Variants in TPCN1 observed in about 807,000 individuals in gnomAD.
TPCN1 encodes the protein two pore segment channel 1, also known as two pore channel protein 1.
A neutral mutation model predicts 108.8 loss-of-function variants in TPCN1; 52 were observed. The ratio of observed to expected loss-of-function variants is 0.48; its 90% CI spans 0.38 to 0.60. The LOEUF is 0.60. TPCN1 is among the 20% of genes least tolerant of loss of function. The pLI is 0.00. For missense variants in TPCN1, 806 were observed against 1,072.8 expected (o/e 0.75, Z 3.47); for synonymous variants, 446 against 433.7 (o/e 1.03, Z -0.35).
intron 4 of TPCN1, among the ~76,000 whole-genome samples, 181 bp from the exon 5 acceptor site, chr12:113,267,662 G>T (rs1955319029): frequency 6.6e-6 from 1 of 152,142 alleles, no homozygotes; most frequent in Non-Finnish European, 1.5e-5. Flanking sequence ...ATGTTTAGTT[G>T]TTCTGGGGAA....
rs1399860337 is a variant in TPCN1 at position 113,268,214 on chromosome 12, T to C, written c.528+258T>C. Among the ~76,000 whole-genome samples, 2 of 152,200 alleles carry C rather than the reference T, an allele frequency of 1.3e-5. No individual in the cohort carries two copies. The highest frequency in any genetic ancestry group is 2.9e-5 in the Non-Finnish European group (2 of 68,024). On this transcript the variant is annotated intron_variant, in intron 5 of 27. Coordinates refer to ENST00000335509, the MANE Select transcript of TPCN1 (RefSeq NM_017901.6). The surrounding 1 kb of genome is among the most constrained non-coding windows in gnomAD (Gnocchi z 7.3). ...GTCACCTTCGAGAGAGATGTGCTGC[T>C]CTCCGTGGTTTACATTCATCTGGAG...
chr12:113,293,718 C>A (rs1468278065), intron 27 of TPCN1, among the ~76,000 whole-genome samples: 1 of 152,188 alleles, frequency 6.6e-6, no homozygotes, highest in African/African-American at 2.4e-5. Context: ...CAAGGATGTC[C>A]CTGTCCAAAG....
At chr12:113,271,223 G>C (rs952116258) in intron 7 of TPCN1, among the ~76,000 whole-genome samples, 1 of 152,178 alleles carries the variant, frequency 6.6e-6, no homozygotes, top group African/African-American at 2.4e-5. Flanking sequence ...GTTGCAGTGA[G>C]CTGTGACAGC....
intron 2 of TPCN1, among the ~76,000 whole-genome samples, chr12:113,243,941 C>T (rs904514555): frequency 7.9e-5 from 12 of 152,138 alleles, no homozygotes; most frequent in Admixed American, 4.6e-4. Context: ...CCTCTCCCTG[C>T]CTACATTCTC....
rs1593160674 is a variant in TPCN1 at position 113,269,136 on chromosome 12, G to T, written c.659+264G>T. Among the ~76,000 whole-genome samples, 1 of 152,140 alleles carries T rather than the reference G, an allele frequency of 6.6e-6. No homozygotes were observed. Among genetic ancestry groups the T allele is most frequent in the East Asian group, 1.9e-4 (1 of 5,188 alleles). On this transcript the variant is annotated intron_variant, in intron 6 of 27. Coordinates refer to ENST00000335509, the MANE Select transcript of TPCN1 (RefSeq NM_017901.6). This position sits in a 1 kb window ranked among gnomAD's most constrained non-coding sequence, Gnocchi z 5.0. ...TTCCAGAGCTGCTTCCTCGCTCTAG[G>T]CATGTTATCTACCCAAATGCAGGCA...
rs1215145111 is a variant in TPCN1 at position 113,297,595 on chromosome 12, T to TCCCCTTCC, written c.*1529_*1536dup. Reference sequence around the variant, plus strand: ...TCCCATAGCCAGCACGGCATGGTTCTCCCCTTCCCCCCTTCCCAGGTCAGG... The same window carrying TCCCCTTCC: ...TCCCATAGCCAGCACGGCATGGTTCTCCCCTTCCCCCCTTCCCCCCTTCCCAGGTCAGG... On this transcript the variant is annotated 3_prime_UTR_variant, in exon 28 of 28. Coordinates refer to ENST00000335509, the MANE Select transcript of TPCN1 (RefSeq NM_017901.6). This position sits in a 1 kb window ranked among gnomAD's most constrained non-coding sequence, Gnocchi z 4.4. The TCCCCTTCC allele has an allele frequency of 6.6e-5, 10 of 152,534 alleles. No homozygotes were observed. Among genetic ancestry groups the TCCCCTTCC allele is most frequent in the Admixed American group, 6.6e-4 (10 of 15,266 alleles). 9.4% of individuals were successfully genotyped at this position (152,534 alleles called of 1,614,324 possible).
intron 27 of TPCN1, among the ~76,000 whole-genome samples, chr12:113,294,490 G>T (rs2004720): frequency 0.2 from 31,000 of 151,808 alleles, 3,661 homozygotes; most frequent in African/African-American, 0.32. Context: ...AGCCAGGCCT[G>T]GTTCCGTGCA....
chr12:113,280,077 T>C, intron 14 of TPCN1, 74 bp from the exon 15 acceptor site: 6 of 1,201,530 alleles, frequency 5.0e-6, no homozygotes, highest in Non-Finnish European at 7.4e-6. Context: ...CAGAAAGAGA[T>C]AATAATAATT....
chr12:113,280,888 A>G (rs1955864789), intron 15 of TPCN1, among the ~76,000 whole-genome samples: 1 of 152,176 alleles, frequency 6.6e-6, no homozygotes, highest in South Asian at 2.1e-4. Context: ...TGGGTTGGTC[A>G]TTGTTTCTAG....
chr12:113,285,998 C>T, intron 18 of TPCN1, 37 bp downstream of exon 18: 1 of 1,574,308 alleles, frequency 6.4e-7, no homozygotes, highest in Non-Finnish European at 8.7e-7. Flanking sequence ...AAAGCTGAGA[C>T]TCTTGAGGAT....
intron 2 of TPCN1, among the ~76,000 whole-genome samples, chr12:113,238,131 T>C (rs779538472): frequency 6.6e-6 from 1 of 152,210 alleles, no homozygotes; most frequent in Non-Finnish European, 1.5e-5. Context: ...TGTTCTGCCT[T>C]TCCCACTTAG....
At position 113,268,053 on chromosome 12, in the gene TPCN1, C is replaced by T. The variant is rs1955338739; in HGVS notation, c.528+97C>T. The T allele has an allele frequency of 6.8e-6, 6 of 884,524 alleles. No homozygotes were observed. Among genetic ancestry groups the T allele is most frequent in the African/African-American group, 3.3e-5 (2 of 60,580 alleles). 54.8% of individuals were successfully genotyped at this position (884,524 alleles called of 1,614,324 possible). A position where few individuals can be genotyped will look rare whatever the true frequency, so the allele number is the denominator to read the frequency against. ...GGTACAATTCAGAATCCACCATGGGCCCAGTCCATGCTCAGAGGTGTAACC... is the reference window on the plus strand; with the variant it reads ...GGTACAATTCAGAATCCACCATGGGTCCAGTCCATGCTCAGAGGTGTAACC... On this transcript the variant is annotated intron_variant, in intron 5 of 27. Transcript: ENST00000335509. The surrounding 1 kb of genome is among the most constrained non-coding windows in gnomAD (Gnocchi z 7.3).
In TPCN1 at chr12:113,280,211, C is replaced by G; in HGVS notation, c.1342+16C>G. On this transcript the variant is annotated intron_variant, in intron 15 of 27. Coordinates refer to ENST00000335509, the MANE Select transcript of TPCN1 (RefSeq NM_017901.6). ...TATTTCATGTGTAAGTGTGAAATATCTCCACTCTAGGCCACTTTCCCCCTG... is the reference window on the plus strand; with the variant it reads ...TATTTCATGTGTAAGTGTGAAATATGTCCACTCTAGGCCACTTTCCCCCTG... 6.2e-7 allele frequency: 1 copy of G among 1,604,936 alleles called. No individual in the cohort carries two copies. The highest frequency in any genetic ancestry group is 8.5e-7 in the Non-Finnish European group (1 of 1,172,256).
chr12:113,277,537 TG>T lies in TPCN1; in HGVS notation c.1184+174del, dbSNP rs201627634. Among the ~76,000 whole-genome samples, 711 of 152,310 alleles carry T rather than the reference TG, an allele frequency of 4.7e-3. 8 individuals carry two copies. The highest frequency in any genetic ancestry group is 0.015 in the African/African-American group (643 of 41,576). ...ACACTGGATTCATCAGGATGCCTTT[TG>T]CAAGTGACAAAAGTCCAACACAAAT... On this transcript the variant is annotated intron_variant, in intron 12 of 27. Coordinates refer to ENST00000335509, the MANE Select transcript of TPCN1 (RefSeq NM_017901.6).
intron 1 of TPCN1, 93 bp from the exon 2 acceptor site, chr12:113,226,635 C>A: frequency 9.4e-7 from 1 of 1,059,170 alleles, no homozygotes; most frequent in Non-Finnish European, 1.3e-6. Context: ...CGAGGTTGTG[C>A]AACCATCACC....
intron 24 of TPCN1, 25 bp downstream of exon 24, chr12:113,291,702 C>G (rs748020656): frequency 6.2e-7 from 1 of 1,610,538 alleles, no homozygotes; most frequent in East Asian, 2.2e-5. Context: ...ACAGAACGCT[C>G]TTTGTCCTTC....
At chr12:113,292,706 A>G (rs1304433022) in intron 25 of TPCN1, 1 of 475,436 alleles carries the variant, frequency 2.1e-6, no homozygotes, top group Non-Finnish European at 3.7e-6. Context: ...CCTTCCTGAA[A>G]CCCTCTGGCC....
intron 25 of TPCN1, chr12:113,292,694 C>T (rs901039992): frequency 3.1e-5 from 14 of 457,916 alleles, no homozygotes; most frequent in African/African-American, 2.4e-4. Flanking sequence ...TGCTTAGAGG[C>T]CCCTTCCTGA....
At chr12:113,222,970 C>G (rs1210571309) in intron 1 of TPCN1, among the ~76,000 whole-genome samples, 4 of 152,194 alleles carry the variant, frequency 2.6e-5, no homozygotes, top group African/African-American at 9.7e-5. Flanking sequence ...CGTATATATT[C>G]TCTGCACTTT....
Sources: gnomAD v4.1 joint callset for allele counts (sites outside exome capture counted in the v4.1 genomes callset) on GRCh38, gnomAD v4.1.1 for gene constraint, Gnocchi (gnomAD v3.1) non-coding constraint, MANE v1.5 for transcripts, NCBI Gene and HGNC (gene_info 2026-07-23, HGNC 2026-07-21) for gene names.